STK32A: variants seen among roughly 807,000 people sequenced by gnomAD.
The protein encoded by STK32A is serine/threonine kinase 32A, also known as serine/threonine-protein kinase 32A.
A neutral mutation model predicts 53.2 loss-of-function variants in STK32A; 41 were observed. The ratio of observed to expected loss-of-function variants is 0.77; its 90% CI spans 0.60 to 1.00. STK32A has a LOEUF of 1.00. STK32A is among the 50% of genes least tolerant of loss of function. STK32A has a pLI of 0.00. For synonymous variants in STK32A, 166 were observed against 162.8 expected, an observed-to-expected ratio of 1.02 and a Z score of -0.15; for missense variants, 458 against 485.8, an observed-to-expected ratio of 0.94 and a Z score of 0.54.
At chr5:147,304,332 T>A (rs1753295774) in intron 4 of STK32A, among the ~76,000 whole-genome samples, 1 of 152,182 alleles carries the variant, frequency 6.6e-6, no homozygotes, top group South Asian at 2.1e-4. Context: ...ATCATGTCAT[T>A]CATTTAGATG....
intron 2 of STK32A, among the ~76,000 whole-genome samples, chr5:147,242,223 G>A (rs1260991307): frequency 6.6e-6 from 1 of 152,148 alleles, no homozygotes; most frequent in African/African-American, 2.4e-5. Context: ...ACAAGTCTGT[G>A]CCTCCCAAAG....
At chr5:147,249,908 C>CAAAAAAAA (rs35848112) in intron 2 of STK32A, among the ~76,000 whole-genome samples, 1,887 of 58,522 alleles carry the variant, frequency 0.032, 155 homozygotes, top group Admixed American at 0.059. Context: ...GCCTCTGTCT[C>CAAAAAAAA]AAAAAAAAAA....
chr5:147,261,794 G>A (rs900312521), intron 2 of STK32A, among the ~76,000 whole-genome samples: 2 of 152,226 alleles, frequency 1.3e-5, no homozygotes, highest in East Asian at 3.9e-4. Context: ...GAGGAACCCT[G>A]AAAATTATAT....
Position 147,363,122 on chromosome 5 carries a change from C to A in STK32A, c.660+1508C>A, listed in dbSNP as rs3064305. 4.6e-4 allele frequency among the ~76,000 whole-genome samples: 59 copies of A among 127,130 alleles called. No homozygotes were observed. The East Asian group carries it at 0.011, about 25-fold the overall frequency. The allele number at this position is 127,130 out of a possible 152,430, so 83.4% of individuals were successfully genotyped here. A position where few individuals can be genotyped will look rare whatever the true frequency, so the allele number is the denominator to read the frequency against. On this transcript the variant is annotated intron_variant, in intron 8 of 12. Coordinates refer to ENST00000397936, the MANE Select transcript of STK32A (RefSeq NM_001112724.2). ...AAACAAAAAACAAACAAACAAAAAA[C>A]AAGCAAGTTATGTGCTTCCAAAATA...
intron 6 of STK32A, among the ~76,000 whole-genome samples, chr5:147,349,601 G>A (rs4705165): frequency 0.25 from 37,509 of 152,020 alleles, 6,212 homozygotes; most frequent in African/African-American, 0.47. Context: ...TCCCTGCCAC[G>A]TATAAGTATT....
At chr5:147,257,789 G>A (rs2151945059) in intron 2 of STK32A, among the ~76,000 whole-genome samples, 1 of 152,260 alleles carries the variant, frequency 6.6e-6, no homozygotes, top group South Asian at 2.1e-4. Context: ...TCTAGGGGTG[G>A]TACCTGTGCT....
chr5:147,245,497 T>G (rs2151939977), intron 2 of STK32A, among the ~76,000 whole-genome samples: 1 of 152,322 alleles, frequency 6.6e-6, no homozygotes, highest in Middle Eastern at 3.4e-3. Flanking sequence ...ATGGTTTTGC[T>G]TATTGAGGTT....
At chr5:147,377,430 T>C (rs723698) in intron 11 of STK32A, among the ~76,000 whole-genome samples, 70,986 of 151,912 alleles carry the variant, frequency 0.47, 17,446 homozygotes, top group East Asian at 0.84. Flanking sequence ...AATTTCTATC[T>C]GTTGATTTTA....
At chr5:147,258,967 G>C (rs1050697314) in intron 2 of STK32A, among the ~76,000 whole-genome samples, 1 of 152,086 alleles carries the variant, frequency 6.6e-6, no homozygotes, top group African/African-American at 2.4e-5. Flanking sequence ...TTGGCTGAGT[G>C]CAAACAGCTC....
At chr5:147,401,903 A>C in the STK32A span, 1 of 479,892 alleles carries the variant, frequency 2.1e-6, no homozygotes, top group East Asian at 3.9e-5. Flanking sequence ...GATTAAAAGA[A>C]GCCATTGGTT....
At chr5:147,245,469 T>C (rs896546944) in intron 2 of STK32A, among the ~76,000 whole-genome samples, 1 of 152,212 alleles carries the variant, frequency 6.6e-6, no homozygotes, top group African/African-American at 2.4e-5. Flanking sequence ...TGTTTGTTTG[T>C]TTTTGTGGTT....
intron 2 of STK32A, among the ~76,000 whole-genome samples, chr5:147,256,986 C>A (rs949233528): frequency 1.3e-5 from 2 of 152,038 alleles, no homozygotes; most frequent in African/African-American, 4.8e-5. Context: ...GAAACCTCAG[C>A]CCCTATAGCA....
intron 6 of STK32A, among the ~76,000 whole-genome samples, chr5:147,344,962 A>G (rs1408758566): frequency 6.6e-6 from 1 of 152,072 alleles, no homozygotes; most frequent in East Asian, 1.9e-4. Context: ...CCTTCAGTCA[A>G]CTTCTTCCTC....
intron 7 of STK32A, among the ~76,000 whole-genome samples, chr5:147,357,782 A>C (rs1016369683): frequency 1.3e-5 from 2 of 152,052 alleles, no homozygotes; most frequent in Non-Finnish European, 2.9e-5. Flanking sequence ...GGATGTGGCA[A>C]GGATCTGACT....
intron 2 of STK32A, among the ~76,000 whole-genome samples, chr5:147,272,865 A>G (rs1755099706): frequency 6.6e-6 from 1 of 152,236 alleles, no homozygotes; most frequent in African/African-American, 2.4e-5. Context: ...TAACTAGTCT[A>G]AGGTTACACA....
At chr5:147,344,114 C>A (rs1473541812) in intron 6 of STK32A, among the ~76,000 whole-genome samples, 1 of 152,128 alleles carries the variant, frequency 6.6e-6, no homozygotes, top group African/African-American at 2.4e-5. Flanking sequence ...CTTTAGAAGG[C>A]TGCTAGATGA....
intron 4 of STK32A, among the ~76,000 whole-genome samples, chr5:147,288,306 G>A (rs1242312165): frequency 2.6e-5 from 4 of 152,122 alleles, no homozygotes; most frequent in African/African-American, 9.7e-5. Context: ...TCACAAATCT[G>A]TATCATTCTT....
chr5:147,315,737 AT>A lies in STK32A; in HGVS notation c.261-8157del, dbSNP rs1453777916. On this transcript the variant is annotated intron_variant, in intron 4 of 12. Coordinates refer to ENST00000397936, the MANE Select transcript of STK32A (RefSeq NM_001112724.2). ...AAATGATAAATTATATGATATGTATATTTTACCACAATAGAAAAAAATACAA... is the reference window on the plus strand; with the variant it reads ...AAATGATAAATTATATGATATGTATATTTACCACAATAGAAAAAAATACAA... Among the ~76,000 whole-genome samples the A allele has an allele frequency of 3.3e-5, 5 of 152,324 alleles. No homozygotes were observed. In the East Asian group the frequency reaches 9.6e-4, roughly 29 times the overall value.
intron 4 of STK32A, among the ~76,000 whole-genome samples, chr5:147,322,907 C>A (rs1754387785): frequency 6.6e-6 from 1 of 152,184 alleles, no homozygotes; most frequent in Non-Finnish European, 1.5e-5. Context: ...GATGCGTGCA[C>A]AGGGTCCTGT....
Sources: allele counts gnomAD v4.1 joint callset (sites outside exome capture counted in the v4.1 genomes callset), GRCh38; gene constraint gnomAD v4.1.1; transcripts MANE v1.5; gene names NCBI Gene and HGNC (gene_info 2026-07-23, HGNC 2026-07-21).